MTMR8: variants seen among roughly 807,000 people sequenced by gnomAD.
The protein encoded by MTMR8 is myotubularin related protein 8.
In MTMR8, 65 loss-of-function variants were observed where a neutral mutation model predicts 39.3. The ratio of observed to expected loss-of-function variants is 1.65; its 90% CI spans 1.35 to 2.03. The LOEUF is 2.03. Ranked by LOEUF, MTMR8 falls within the 30% of genes most tolerant of loss-of-function variation. The pLI is 0.00. For missense variants in MTMR8, 777 were observed against 538.9 expected (o/e 1.44, Z -4.37); for synonymous variants, 245 against 185.2 (o/e 1.32, Z -2.62).
chrX:64,301,506 T>C (rs1348655007), intron 12 of MTMR8, among the ~76,000 whole-genome samples: 1 of 109,587 alleles, frequency 9.1e-6, no homozygotes, highest in African/African-American at 3.3e-5. Context: ...TTTTAACTTC[T>C]TTGCCTTTGG....
chrX:64,352,487 C>A (rs1356779569), intron 4 of MTMR8, among the ~76,000 whole-genome samples: 3 of 111,369 alleles, frequency 2.7e-5, no homozygotes, highest in African/African-American at 6.5e-5. Flanking sequence ...CCATATTTGG[C>A]CCAGAGCTCT....
At chrX:64,276,580 T>C (rs1050255278) in intron 12 of MTMR8, among the ~76,000 whole-genome samples, 8 of 112,053 alleles carry the variant, frequency 7.1e-5, no homozygotes, top group Non-Finnish European at 1.5e-4. Flanking sequence ...TTCCATGTAG[T>C]TGTGCAGTTT....
At chrX:64,288,266 A>G (rs766961492) in intron 12 of MTMR8, among the ~76,000 whole-genome samples, 157 of 110,868 alleles carry the variant, frequency 1.4e-3, no homozygotes, top group African/African-American at 4.9e-3. Context: ...GCCATGAAAC[A>G]ATGCTCATCA....
At chrX:64,269,169 C>T in intron 13 of MTMR8, 126 bp from the exon 14 acceptor site, 1 of 637,549 alleles carries the variant, frequency 1.6e-6, no homozygotes, top group Non-Finnish European at 2.4e-6. Context: ...CTTTTGCTCA[C>T]CCCCTCCCCC....
At chrX:64,341,594 G>A (rs910793986) in intron 8 of MTMR8, among the ~76,000 whole-genome samples, 1 of 110,862 alleles carries the variant, frequency 9.0e-6, no homozygotes, top group African/African-American at 3.3e-5. Context: ...GTCCAATATG[G>A]TAGTAACCAG....
At chrX:64,281,981 T>C (rs1932026282) in intron 12 of MTMR8, among the ~76,000 whole-genome samples, 1 of 109,650 alleles carries the variant, frequency 9.1e-6, no homozygotes, top group South Asian at 3.8e-4. Flanking sequence ...AAAGCTCAAC[T>C]TCACTGATCA....
chrX:64,302,271 CGCCGTTTTTTAA>C (rs1374135185), intron 12 of MTMR8, among the ~76,000 whole-genome samples: 2 of 112,375 alleles, frequency 1.8e-5, no homozygotes, highest in Non-Finnish European at 3.8e-5. Context: ...TCTCATGGTG[CGCCGTTTTTTAA>C]GCCGGTCTGA....
rs900200866 is a variant in MTMR8, at chrX:64,268,170, G to T, written c.*367C>A. ...CTCAAAAGGGTCATTATTGACCATT[G>T]TGACAATATTTCCACTTCACTTTCA... On this transcript the variant is annotated 3_prime_UTR_variant, in exon 14 of 14. Transcript: ENST00000374852. 17 of 183,284 alleles carry T rather than the reference G, an allele frequency of 9.3e-5. No individual in the cohort carries two copies. The highest frequency in any genetic ancestry group is 1.6e-4 in the Non-Finnish European group (16 of 99,796). 15.1% of individuals were successfully genotyped at this position (183,284 alleles called of 1,213,427 possible).
rs376221217 is a variant in MTMR8, at chrX:64,394,740, G to T, written c.24+600C>A. Among the ~76,000 whole-genome samples, 5 of 112,057 alleles carry T rather than the reference G, an allele frequency of 4.5e-5. No homozygotes were observed. In the East Asian group the frequency reaches 1.4e-3, roughly 32 times the overall value. On this transcript the variant is annotated intron_variant, in intron 1 of 13. Transcript: ENST00000374852. ...ATAAACCTCTTGGGTTTCTCCTACC[G>T]GCTGAGCAGAGCCAGATCCACTCTG...
intron 1 of MTMR8, among the ~76,000 whole-genome samples, chrX:64,394,950 G>A (rs1230677621): frequency 8.9e-6 from 1 of 112,403 alleles, no homozygotes; most frequent in Non-Finnish European, 1.9e-5. Context: ...AAGTAACTCC[G>A]CAGGAGGCAG....
At chrX:64,277,437 C>T (rs1032411805) in intron 12 of MTMR8, among the ~76,000 whole-genome samples, 2 of 111,795 alleles carry the variant, frequency 1.8e-5, no homozygotes, top group Non-Finnish European at 3.8e-5. Flanking sequence ...TAAGGCAGGC[C>T]TGGTGGTGAC....
At chrX:64,375,888 A>T (rs1407539646) in intron 1 of MTMR8, among the ~76,000 whole-genome samples, 1 of 111,680 alleles carries the variant, frequency 9.0e-6, no homozygotes, top group Admixed American at 9.5e-5. Flanking sequence ...GCCTGGTGGG[A>T]GGTGACTGGA....
chrX:64,362,098 C>T (rs146438370), intron 1 of MTMR8, among the ~76,000 whole-genome samples: 1,421 of 109,694 alleles, frequency 0.013, 28 homozygotes, highest in African/African-American at 0.043. Context: ...TATATAGAAT[C>T]TAGAAATTAG....
intron 1 of MTMR8, among the ~76,000 whole-genome samples, chrX:64,393,724 T>A: frequency 9.0e-6 from 1 of 111,677 alleles, no homozygotes; most frequent in Non-Finnish European, 1.9e-5. Context: ...GCTGGCTGGC[T>A]TTTACACGGG....
intron 12 of MTMR8, among the ~76,000 whole-genome samples, chrX:64,310,168 T>A (rs1341485324): frequency 8.9e-6 from 1 of 112,141 alleles, no homozygotes; most frequent in Non-Finnish European, 1.9e-5. Flanking sequence ...CAACTAAGTT[T>A]ATATAATATT....
rs1360555239 is a variant in MTMR8, at chrX:64,299,128, T to A, written c.1482-28055A>T. On this transcript the variant is annotated intron_variant, in intron 12 of 13. Coordinates refer to ENST00000374852, the MANE Select transcript of MTMR8 (RefSeq NM_017677.4). ...TAGGGAGGATTCCCTCTTTTTCTAT[T>A]GATTGGAATAGTTTCAGAAGGAATG... is the stretch of plus-strand genomic sequence containing the variant. 2.2e-3 allele frequency among the ~76,000 whole-genome samples: 177 copies of A among 80,643 alleles called. 1 individual carries two copies. The highest frequency in any genetic ancestry group is 3.3e-3 in the Non-Finnish European group (144 of 43,699). The allele number at this position is 80,643 out of a possible 115,157, so 70.0% of individuals were successfully genotyped here. A position where few individuals can be genotyped will look rare whatever the true frequency, so the allele number is the denominator to read the frequency against.
chrX:64,393,506 A>C (rs1924744769), intron 1 of MTMR8, among the ~76,000 whole-genome samples: 1 of 112,025 alleles, frequency 8.9e-6, no homozygotes, highest in Non-Finnish European at 1.9e-5. Context: ...CATCTTCCCC[A>C]GTTGTCAAAA....
chrX:64,290,445 T>A (rs1159882014), intron 12 of MTMR8, among the ~76,000 whole-genome samples: 2 of 110,040 alleles, frequency 1.8e-5, no homozygotes, highest in East Asian at 5.7e-4. Flanking sequence ...TATATATATA[T>A]AAAAAAAAGA....
chrX:64,345,372 T>C (rs765414617), intron 6 of MTMR8, among the ~76,000 whole-genome samples, 195 bp from the exon 7 acceptor site: 1 of 111,832 alleles, frequency 8.9e-6, no homozygotes, highest in Non-Finnish European at 1.9e-5. Context: ...CAGACTCATA[T>C]AGGGGAAAAA....
Sources: allele counts gnomAD v4.1 joint callset (sites outside exome capture counted in the v4.1 genomes callset), GRCh38; gene constraint gnomAD v4.1.1; transcripts MANE v1.5; gene names NCBI Gene and HGNC (gene_info 2026-07-23, HGNC 2026-07-21).